The following KIAA1217 variants were observed in gnomAD, a reference collection of about 807,000 sequenced individuals.
KIAA1217 encodes KIAA1217.
A neutral mutation model predicts 163.9 loss-of-function variants in KIAA1217; 88 were observed. The ratio of observed to expected loss-of-function variants is 0.54; its 90% CI spans 0.45 to 0.64. The LOEUF (loss-of-function observed/expected upper bound fraction) is 0.64. KIAA1217 is among the 30% of genes least tolerant of loss of function. The pLI, the probability that KIAA1217 is intolerant of heterozygous loss-of-function variation, is 0.00. For missense variants in KIAA1217, 2,372 were observed against 2,475.0 expected, an observed-to-expected ratio of 0.96 and a Z score of 0.88; for synonymous variants, 903 against 923.1, an observed-to-expected ratio of 0.98 and a Z score of 0.39.
At chr10:24,281,459 A>G (rs892402700) in intron 2 of KIAA1217, among the ~76,000 whole-genome samples, 5 of 152,210 alleles carry the variant, frequency 3.3e-5, no homozygotes, top group Non-Finnish European at 4.4e-5. Flanking sequence ...TTAGGTCAGC[A>G]TCTTCTCCCC....
chr10:24,124,679 T>C (rs2063403649), intron 2 of KIAA1217, among the ~76,000 whole-genome samples: 3 of 152,186 alleles, frequency 2.0e-5, no homozygotes, highest in Admixed American at 2.0e-4. Context: ...TCTGTATTTA[T>C]TGAGATGAAC....
chr10:23,714,365 G>C (rs1837440672), intron 1 of KIAA1217, among the ~76,000 whole-genome samples: 2 of 151,916 alleles, frequency 1.3e-5, no homozygotes, highest in Admixed American at 1.3e-4. Context: ...GAAAGTGAGG[G>C]AAAGTAGAAC....
At chr10:24,229,078 T>C (rs1378693467) in intron 2 of KIAA1217, among the ~76,000 whole-genome samples, 2 of 152,216 alleles carry the variant, frequency 1.3e-5, no homozygotes, top group African/African-American at 4.8e-5. Flanking sequence ...ATTCATTAGA[T>C]ATGCATCTGT....
intron 1 of KIAA1217, among the ~76,000 whole-genome samples, chr10:23,787,016 A>G (rs1256627308): frequency 1.3e-5 from 2 of 152,210 alleles, no homozygotes; most frequent in East Asian, 1.9e-4. Flanking sequence ...TTTTAATAAC[A>G]TATTTTTCTT....
chr10:24,179,180 G>T (rs1589796150), intron 2 of KIAA1217, among the ~76,000 whole-genome samples: 1 of 152,296 alleles, frequency 6.6e-6, no homozygotes, highest in East Asian at 1.9e-4. Context: ...GCAATACATT[G>T]TGTATAAGTG....
chr10:24,431,606 T>C (rs557833812), intron 3 of KIAA1217, among the ~76,000 whole-genome samples: 1 of 152,234 alleles, frequency 6.6e-6, no homozygotes, highest in African/African-American at 2.4e-5. Context: ...TGTGGCTGGG[T>C]TGGACTCCTC....
chr10:24,320,703 A>T (rs2044021283), intron 2 of KIAA1217, among the ~76,000 whole-genome samples: 1 of 152,182 alleles, frequency 6.6e-6, no homozygotes, highest in Non-Finnish European at 1.5e-5. Flanking sequence ...GGAAGACGGA[A>T]AATTCTCCAT....
At chr10:23,972,755 T>C (rs1345780193) in intron 1 of KIAA1217, among the ~76,000 whole-genome samples, 4 of 150,940 alleles carry the variant, frequency 2.7e-5, no homozygotes, top group African/African-American at 9.7e-5. Context: ...GGCACATACA[T>C]ACCATGGAAT....
intron 2 of KIAA1217, among the ~76,000 whole-genome samples, chr10:24,096,842 C>T (rs1283182149): frequency 6.6e-6 from 1 of 152,108 alleles, no homozygotes; most frequent in East Asian, 1.9e-4. Context: ...TCCTATCAAC[C>T]CCTCTTCTCT....
chr10:24,029,535 AT>A (rs1848105725), intron 2 of KIAA1217, among the ~76,000 whole-genome samples: 1 of 152,166 alleles, frequency 6.6e-6, no homozygotes, highest in Admixed American at 6.5e-5. Context: ...CCTCTGTAAT[AT>A]AATTCTGGGC....
At chr10:23,862,482 C>A (rs1038327627) in intron 1 of KIAA1217, among the ~76,000 whole-genome samples, 2 of 152,106 alleles carry the variant, frequency 1.3e-5, no homozygotes, top group African/African-American at 2.4e-5. Context: ...TTGTTCTTGA[C>A]CAACCAGAGC....
chr10:24,144,518 C>G (rs2064221754), intron 2 of KIAA1217, among the ~76,000 whole-genome samples: 2 of 152,138 alleles, frequency 1.3e-5, no homozygotes, highest in South Asian at 4.1e-4. Context: ...TTTGTGATTC[C>G]TGCAAATTCC....
intron 1 of KIAA1217, among the ~76,000 whole-genome samples, chr10:23,798,039 C>CA (rs1424990243): frequency 1.3e-5 from 2 of 152,032 alleles, no homozygotes; most frequent in Non-Finnish European, 2.9e-5. Flanking sequence ...ATGGGGTGCT[C>CA]AAAAAAGAAA....
chr10:23,696,394 C>T (rs531803717), intron 1 of KIAA1217, among the ~76,000 whole-genome samples: 2 of 152,270 alleles, frequency 1.3e-5, no homozygotes, highest in South Asian at 2.1e-4. Context: ...TTCTGTGCTT[C>T]GGGAATGGAA....
At chr10:23,818,806 T>C (rs1837485858) in intron 1 of KIAA1217, among the ~76,000 whole-genome samples, 1 of 152,172 alleles carries the variant, frequency 6.6e-6, no homozygotes, top group African/African-American at 2.4e-5. Flanking sequence ...ATCACAGCTC[T>C]GTAAGCTCTC....
At chr10:23,910,759 C>G (rs1842399178) in intron 1 of KIAA1217, among the ~76,000 whole-genome samples, 1 of 152,150 alleles carries the variant, frequency 6.6e-6, no homozygotes, top group African/African-American at 2.4e-5. Flanking sequence ...GGGCTGATTT[C>G]TGATGGGGAT....
chr10:24,032,745 C>T (rs184114700), intron 2 of KIAA1217, among the ~76,000 whole-genome samples: 2 of 152,104 alleles, frequency 1.3e-5, no homozygotes, highest in African/African-American at 4.8e-5. Context: ...TTTTAAGTCA[C>T]CCAGCGCTTT....
intron 2 of KIAA1217, among the ~76,000 whole-genome samples, chr10:24,009,031 C>T (rs749703949): frequency 6.6e-6 from 1 of 152,172 alleles, no homozygotes; most frequent in Non-Finnish European, 1.5e-5. Flanking sequence ...ACAAAGTCAT[C>T]CGTGGGAGGA....
At chr10:24,526,320 A>G (rs2072168345) in intron 13 of KIAA1217, among the ~76,000 whole-genome samples, 1 of 152,158 alleles carries the variant, frequency 6.6e-6, no homozygotes, top group African/African-American at 2.4e-5. Flanking sequence ...AGAGCCAGCT[A>G]TTTTAAAAAC....
Sources: gnomAD v4.1 joint callset for allele counts (sites outside exome capture counted in the v4.1 genomes callset) on GRCh38, gnomAD v4.1.1 for gene constraint, MANE v1.5 for transcripts, NCBI Gene and HGNC (gene_info 2026-07-23, HGNC 2026-07-21) for gene names.